UBE2G2: variants seen among roughly 807,000 people sequenced by gnomAD.
UBE2G2 encodes the protein ubiquitin-conjugating enzyme E2 G2.
In UBE2G2, 10 loss-of-function variants were observed where a neutral mutation model predicts 23.0. The ratio of observed to expected loss-of-function variants is 0.43; its 90% CI spans 0.27 to 0.74. UBE2G2 has a LOEUF of 0.74. Ranked by LOEUF, UBE2G2 falls within the 30% of genes least tolerant of loss-of-function variation. The probability of loss-of-function intolerance (pLI) is 0.19; values close to 1 mark genes in which losing one functional copy is unlikely to be tolerated. For synonymous variants in UBE2G2, 86 were observed against 81.3 expected (o/e 1.06, Z -0.31); for missense variants, 150 against 218.3 (o/e 0.69, Z 1.97).
intron 1 of UBE2G2, among the ~76,000 whole-genome samples, chr21:44,799,403 T>C (rs903217967): frequency 1.3e-5 from 2 of 152,250 alleles, no homozygotes; most frequent in Non-Finnish European, 2.9e-5. Flanking sequence ...TGTAAATCTA[T>C]TGCTTAATTT....
At chr21:44,777,620 C>A (rs1237656468) in intron 3 of UBE2G2, among the ~76,000 whole-genome samples, 1 of 152,048 alleles carries the variant, frequency 6.6e-6, no homozygotes, top group Non-Finnish European at 1.5e-5. Context: ...CCAGCCTGGG[C>A]AACATGGTGA....
Position 44,769,799 on chromosome 21 carries a change from A to G in UBE2G2, c.*1578T>C, listed in dbSNP as rs868936403. On this transcript the variant is annotated 3_prime_UTR_variant, in exon 6 of 6. Transcript: ENST00000345496. ...ACACTCTGTGTGGGTTCAGTCACAC[A>G]GACCACGATCCATTATGGAAGGGAG... 3 of 152,284 alleles carry G rather than the reference A, an allele frequency of 2.0e-5. No homozygotes were observed. The South Asian group carries it at 6.2e-4, about 32-fold the overall frequency. 9.4% of individuals were successfully genotyped at this position (152,284 alleles called of 1,614,324 possible). A position where few individuals can be genotyped will look rare whatever the true frequency, so the allele number is the denominator to read the frequency against.
At chr21:44,788,568 C>T (rs8131444) in intron 1 of UBE2G2, among the ~76,000 whole-genome samples, 30,670 of 151,940 alleles carry the variant, frequency 0.2, 4,377 homozygotes, top group East Asian at 0.57. Flanking sequence ...GGATTACAGG[C>T]ATGAGCCACC....
chr21:44,771,216 G>A lies in UBE2G2; in HGVS notation c.*161C>T, dbSNP rs1018217209. 5.5e-5 allele frequency: 34 copies of A among 620,892 alleles called. No homozygotes were observed. In the South Asian group the frequency reaches 6.5e-4, roughly 12 times the overall value. The allele number at this position is 620,892 out of a possible 1,614,324, so 38.5% of individuals were successfully genotyped here. A position where few individuals can be genotyped will look rare whatever the true frequency, so the allele number is the denominator to read the frequency against. On this transcript the variant is annotated 3_prime_UTR_variant, in exon 6 of 6. Coordinates refer to ENST00000345496, the MANE Select transcript of UBE2G2 (RefSeq NM_003343.6). The surrounding 1 kb of genome is among the most constrained non-coding windows in gnomAD (Gnocchi z 4.6). The stretch of plus-strand genomic sequence containing the variant: ...ATTAAGTCATCATTTCAGAAGAGAA[G>A]CCTGTTTGAAGTAGGAAAGGTTTGA...
chr21:44,799,372 A>T (rs9984290), intron 1 of UBE2G2, among the ~76,000 whole-genome samples: 1 of 152,144 alleles, frequency 6.6e-6, no homozygotes, highest in African/African-American at 2.4e-5. Flanking sequence ...CCAATACCGT[A>T]TAAGGCTATT....
intron 1 of UBE2G2, chr21:44,801,493 A>C: frequency 9.2e-7 from 1 of 1,082,338 alleles, no homozygotes; most frequent in Non-Finnish European, 1.2e-6. Context: ...CGCTGCCTTT[A>C]CTGATGCTGG....
chr21:44,801,329 C>G (rs1044948465), intron 1 of UBE2G2: 2 of 1,069,668 alleles, frequency 1.9e-6, no homozygotes, highest in Middle Eastern at 8.4e-4. Flanking sequence ...AACGCATACA[C>G]TTTTCCCTCC....
chr21:44,776,124 G>C (rs188177822), intron 4 of UBE2G2, among the ~76,000 whole-genome samples: 2 of 152,056 alleles, frequency 1.3e-5, no homozygotes, highest in African/African-American at 4.8e-5. Context: ...GGCCGGGGGT[G>C]GGGGGGTAGT....
intron 1 of UBE2G2, among the ~76,000 whole-genome samples, chr21:44,794,331 T>C (rs2083068365): frequency 6.6e-6 from 1 of 152,184 alleles, no homozygotes; most frequent in Non-Finnish European, 1.5e-5. Flanking sequence ...TTGGCCTTTA[T>C]CTCATACCAT....
chr21:44,770,998 T>G lies in UBE2G2; in HGVS notation c.*379A>C. On this transcript the variant is annotated 3_prime_UTR_variant, in exon 6 of 6. Transcript: ENST00000345496. The stretch of plus-strand genomic sequence containing the variant: ...GGGCCCCATTTCTTCAGAAGGAGCG[T>G]TCTGGGTATTCCATCGTCCCCTGGA... 5.7e-6 allele frequency: 1 copy of G among 176,064 alleles called. No individual in the cohort carries two copies. The highest frequency in any genetic ancestry group is 1.2e-5 in the Non-Finnish European group (1 of 82,912). 10.9% of individuals were successfully genotyped at this position (176,064 alleles called of 1,614,324 possible).
intron 1 of UBE2G2, among the ~76,000 whole-genome samples, chr21:44,790,089 A>G (rs2083031401): frequency 6.6e-6 from 1 of 152,256 alleles, no homozygotes; most frequent in African/African-American, 2.4e-5. Context: ...GAAAATGCTC[A>G]ACATTGTGAA....
intron 3 of UBE2G2, among the ~76,000 whole-genome samples, chr21:44,780,354 C>T (rs2082946613): frequency 6.6e-6 from 1 of 152,246 alleles, no homozygotes; most frequent in Non-Finnish European, 1.5e-5. Flanking sequence ...CGCCACAGTG[C>T]TGTTTTTGGA....
At position 44,772,816 on chromosome 21, in the gene UBE2G2, C is replaced by T. The variant is rs2082883864; in HGVS notation, c.385+731G>A. On this transcript the variant is annotated intron_variant, in intron 5 of 5. Transcript: ENST00000345496. The surrounding 1 kb of genome is among the most constrained non-coding windows in gnomAD (Gnocchi z 5.4). Reference sequence around the variant, plus strand: ...TTTTCTCTCCAGGCTACTGCAACACCACGATGTCTCTGTTTGTCTTCCATC... The same window carrying T: ...TTTTCTCTCCAGGCTACTGCAACACTACGATGTCTCTGTTTGTCTTCCATC... 6.6e-6 allele frequency among the ~76,000 whole-genome samples: 1 copy of T among 152,176 alleles called. No individual in the cohort carries two copies. Among genetic ancestry groups the T allele is most frequent in the Admixed American group, 6.5e-5 (1 of 15,284 alleles).
intron 1 of UBE2G2, among the ~76,000 whole-genome samples, chr21:44,792,940 T>C (rs1601195443): frequency 6.6e-6 from 1 of 152,144 alleles, no homozygotes; most frequent in South Asian, 2.1e-4. Flanking sequence ...CAGGGGTGGG[T>C]GGGAACTGAA....
intron 1 of UBE2G2, chr21:44,800,363 A>G (rs1555964551): frequency 1.3e-5 from 2 of 152,110 alleles, no homozygotes; most frequent in Non-Finnish European, 2.9e-5. Flanking sequence ...GATTCGACCA[A>G]CCAGGAATAC....
At chr21:44,793,281 G>A (rs981535494) in intron 1 of UBE2G2, among the ~76,000 whole-genome samples, 7 of 152,228 alleles carry the variant, frequency 4.6e-5, no homozygotes, top group African/African-American at 7.2e-5. Context: ...AATCACCTTC[G>A]TGGGACCATG....
rs148057594 is a variant in UBE2G2 at position 44,773,745 on chromosome 21, G to A, written c.245-58C>T. The A allele has an allele frequency of 2.2e-3, 3,507 of 1,581,368 alleles. 99 individuals carry two copies. In the Admixed American group the frequency reaches 0.055, roughly 25 times the overall value. ...GGAATGGTGCCCGAGGCATCGCCGC[G>A]CTTGGGCAGGCTCCACAGATAATGA... On this transcript the variant is annotated intron_variant, in intron 4 of 5. Coordinates refer to ENST00000345496, the MANE Select transcript of UBE2G2 (RefSeq NM_003343.6).
chr21:44,771,548 C>T lies in UBE2G2; in HGVS notation c.386-59G>A. ...GGAGTCTTATACGTAAGCAGCCTGG[C>T]AAGGTCTCCCATTTATTTAAAACAC... is the stretch of plus-strand genomic sequence containing the variant. On this transcript the variant is annotated intron_variant, in intron 5 of 5. Coordinates refer to ENST00000345496, the MANE Select transcript of UBE2G2 (RefSeq NM_003343.6). The surrounding 1 kb of genome is among the most constrained non-coding windows in gnomAD (Gnocchi z 4.6). The T allele has an allele frequency of 6.5e-7, 1 of 1,538,304 alleles. No homozygotes were observed. The highest frequency in any genetic ancestry group is 8.9e-7 in the Non-Finnish European group (1 of 1,123,272).
Position 44,779,192 on chromosome 21 carries a change from G to A in UBE2G2, c.126-1775C>T, listed in dbSNP as rs146315156. The stretch of plus-strand genomic sequence containing the variant: ...CGGCAGCAACAGCAGATGCCAGCAC[G>A]GCTCATGGCCCTAGCAGGGCTGATC... On this transcript the variant is annotated intron_variant, in intron 3 of 5. Transcript: ENST00000345496. The A allele has an allele frequency of 1.9e-3, 835 of 448,460 alleles. 3 individuals are homozygous for A. Among genetic ancestry groups the A allele is most frequent in the African/African-American group, 9.2e-3 (458 of 49,794 alleles). 27.8% of individuals were successfully genotyped at this position (448,460 alleles called of 1,614,324 possible).
Sources: gnomAD v4.1 joint callset for allele counts (sites outside exome capture counted in the v4.1 genomes callset) on GRCh38, gnomAD v4.1.1 for gene constraint, Gnocchi (gnomAD v3.1) non-coding constraint, MANE v1.5 for transcripts, NCBI Gene and HGNC (gene_info 2026-07-23, HGNC 2026-07-21) for gene names.